LRRC8D: variants seen among roughly 807,000 people sequenced by gnomAD.
LRRC8D encodes leucine rich repeat containing 8 VRAC subunit D.
LRRC8D carries 20 observed loss-of-function variants against 55.8 expected under a neutral mutation model. That is an observed-to-expected ratio of 0.36 (90% CI 0.25 to 0.52). The LOEUF (loss-of-function observed/expected upper bound fraction) is 0.52. LRRC8D is among the 20% of genes least tolerant of loss of function. The pLI, the probability that LRRC8D is intolerant of heterozygous loss-of-function variation, is 0.93. For missense variants in LRRC8D, 651 were observed against 1,030.8 expected (o/e 0.63, Z 5.05); for synonymous variants, 352 against 377.0 (o/e 0.93, Z 0.77).
Position 89,935,589 on chromosome 1 carries a change from G to T in LRRC8D, c.2521G>T (p.Glu841Ter). 1 of 1,614,120 alleles carries T rather than the reference G, an allele frequency of 6.2e-7. No individual in the cohort carries two copies. Among genetic ancestry groups the T allele is most frequent in the Non-Finnish European group, 8.5e-7 (1 of 1,180,038 alleles). Residue 841 changes from glutamate (E) to a stop codon, truncating the protein, a stop_gained, in exon 3 of 3, where the codon GAA becomes TAA. Coordinates refer to ENST00000337338, the MANE Select transcript of LRRC8D (RefSeq NM_001134479.2). LOFTEE classifies it high-confidence loss of function. ...EDHLFDTLPL[E>*]VKEALNQDIN... Reference sequence around the variant, plus strand: ...TCACCTTTTTGATACCCTGCCACTCGAAGTCAAAGAGGCATTGAATCAAGA... The same window carrying T: ...TCACCTTTTTGATACCCTGCCACTCTAAGTCAAAGAGGCATTGAATCAAGA...
intron 2 of LRRC8D, among the ~76,000 whole-genome samples, chr1:89,924,877 A>T (rs893482730): frequency 6.6e-5 from 10 of 152,172 alleles, no homozygotes; most frequent in Admixed American, 2.0e-4. Context: ...ATACACATGG[A>T]TACAAAGAAG....
At chr1:89,865,043 T>C (rs1661808289) in intron 2 of LRRC8D, among the ~76,000 whole-genome samples, 1 of 152,134 alleles carries the variant, frequency 6.6e-6, no homozygotes, top group Admixed American at 6.6e-5. Context: ...ACATTTTACA[T>C]CTCCAACATT....
intron 2 of LRRC8D, among the ~76,000 whole-genome samples, chr1:89,896,296 C>T (rs1662710563): frequency 6.6e-6 from 1 of 151,882 alleles, no homozygotes; most frequent in Non-Finnish European, 1.5e-5. Context: ...AGGGAGGGGT[C>T]GTAAACTTTG....
rs71584958 is a variant in LRRC8D at position 89,907,183 on chromosome 1, C to CTTTTTTTTTTTT, written c.-2-25869_-2-25858dup. ...TTGGGCTTCCTGTCTTCCACTGTGT[C>CTTTTTTTTTTTT]TTTTTTTTTTTTTTTTTTTTTTTTT... On this transcript the variant is annotated intron_variant, in intron 2 of 2. Coordinates refer to ENST00000337338, the MANE Select transcript of LRRC8D (RefSeq NM_001134479.2). 4.3e-5 allele frequency among the ~76,000 whole-genome samples: 3 copies of CTTTTTTTTTTTT among 69,774 alleles called. 1 individual carries two copies. Among genetic ancestry groups the CTTTTTTTTTTTT allele is most frequent in the Non-Finnish European group, 8.3e-5 (3 of 36,010 alleles). 45.8% of individuals were successfully genotyped at this position (69,774 alleles called of 152,430 possible). A position where few individuals can be genotyped will look rare whatever the true frequency, so the allele number is the denominator to read the frequency against.
At chr1:89,881,581 A>G (rs535374338) in intron 2 of LRRC8D, among the ~76,000 whole-genome samples, 1 of 152,274 alleles carries the variant, frequency 6.6e-6, no homozygotes, top group African/African-American at 2.4e-5. Flanking sequence ...TCAGATGAGT[A>G]AGATGGAGAA....
intron 2 of LRRC8D, among the ~76,000 whole-genome samples, chr1:89,890,527 G>T (rs147243799): frequency 2.0e-5 from 3 of 152,158 alleles, no homozygotes; most frequent in Non-Finnish European, 2.9e-5. Context: ...CAGCCTCTCC[G>T]TATCCCCTTT....
chr1:89,852,767 A>G (rs1329721663), intron 2 of LRRC8D, among the ~76,000 whole-genome samples: 1 of 152,178 alleles, frequency 6.6e-6, no homozygotes, highest in African/African-American at 2.4e-5. Flanking sequence ...AGATGGAGAA[A>G]GGACAGACTG....
intron 2 of LRRC8D, chr1:89,846,648 C>G (rs375823294): frequency 2.6e-5 from 4 of 152,086 alleles, no homozygotes; most frequent in African/African-American, 9.6e-5. Flanking sequence ...AGGCTCTGCC[C>G]AGAACTCAAG....
At chr1:89,917,431 C>T (rs1663303380) in intron 2 of LRRC8D, among the ~76,000 whole-genome samples, 1 of 152,136 alleles carries the variant, frequency 6.6e-6, no homozygotes, top group African/African-American at 2.4e-5. Context: ...CTTAAAACTG[C>T]CCTTAGTTTG....
chr1:89,926,025 T>C (rs1663555260), intron 2 of LRRC8D, among the ~76,000 whole-genome samples: 1 of 152,268 alleles, frequency 6.6e-6, no homozygotes, highest in African/African-American at 2.4e-5. Context: ...GCATCATTTA[T>C]CTCATGCTAT....
At chr1:89,854,731 C>T (rs1236383267) in intron 2 of LRRC8D, among the ~76,000 whole-genome samples, 1 of 152,160 alleles carries the variant, frequency 6.6e-6, no homozygotes, top group African/African-American at 2.4e-5. Context: ...CATCACTTAT[C>T]ATTTATGGGT....
intron 2 of LRRC8D, among the ~76,000 whole-genome samples, chr1:89,925,833 G>T (rs888150659): frequency 5.3e-5 from 8 of 152,178 alleles, no homozygotes; most frequent in African/African-American, 1.9e-4. Context: ...CAAGTCCTGT[G>T]GCTGACATTG....
At position 89,886,694 on chromosome 1, in the gene LRRC8D, C is replaced by T. The variant is rs549053181; in HGVS notation, c.-3+42912C>T. ...CTATTTAATAAAACGGAAATATGCACGTGAGGTTAATCAGGTCAAATAGAA... is the reference window on the plus strand; with the variant it reads ...CTATTTAATAAAACGGAAATATGCATGTGAGGTTAATCAGGTCAAATAGAA... On this transcript the variant is annotated intron_variant, in intron 2 of 2. Coordinates refer to ENST00000337338, the MANE Select transcript of LRRC8D (RefSeq NM_001134479.2). 6.6e-5 allele frequency among the ~76,000 whole-genome samples: 10 copies of T among 152,182 alleles called. No homozygotes were observed. In the South Asian group the frequency reaches 1.0e-3, roughly 16 times the overall value.
chr1:89,842,759 A>C (rs909104716), intron 1 of LRRC8D, among the ~76,000 whole-genome samples: 1 of 152,190 alleles, frequency 6.6e-6, no homozygotes, highest in Non-Finnish European at 1.5e-5. Context: ...ACTGAAGTCC[A>C]CTTAAGTCAG....
chr1:89,847,807 T>A (rs1570816935), intron 2 of LRRC8D, among the ~76,000 whole-genome samples: 1 of 152,346 alleles, frequency 6.6e-6, no homozygotes, highest in East Asian at 1.9e-4. Flanking sequence ...TAATTGCAGA[T>A]GTTTCATGAG....
intron 2 of LRRC8D, among the ~76,000 whole-genome samples, chr1:89,921,479 G>T (rs893041369): frequency 1.3e-5 from 2 of 152,084 alleles, no homozygotes; most frequent in Non-Finnish European, 2.9e-5. Flanking sequence ...TTTAATAGGG[G>T]TACTAAGACC....
At chr1:89,870,177 C>T (rs1376713384) in intron 2 of LRRC8D, among the ~76,000 whole-genome samples, 1 of 151,730 alleles carries the variant, frequency 6.6e-6, no homozygotes, top group Non-Finnish European at 1.5e-5. Flanking sequence ...TTTAGTTTTT[C>T]TAAAAAACTG....
rs1663141377 is a variant in LRRC8D at position 89,911,881 on chromosome 1, T to A, written c.-2-21186T>A. Among the ~76,000 whole-genome samples, 1 of 152,194 alleles carries A rather than the reference T, an allele frequency of 6.6e-6. No homozygotes were observed. Among genetic ancestry groups the A allele is most frequent in the Admixed American group, 6.5e-5 (1 of 15,272 alleles). On this transcript the variant is annotated intron_variant, in intron 2 of 2. Transcript: ENST00000337338. This position sits in a 1 kb window ranked among gnomAD's most constrained non-coding sequence, Gnocchi z 4.0. ...TTCTAGGCCAACATTCTCTTCATAG[T>A]TCTTGTCCTCTGACCCACCCTTCTT...
chr1:89,898,741 A>G (rs549781442), intron 2 of LRRC8D, among the ~76,000 whole-genome samples: 3 of 152,366 alleles, frequency 2.0e-5, no homozygotes, highest in Non-Finnish European at 1.5e-5. Flanking sequence ...TTTAATTTAC[A>G]TACTGTAATA....
Sources: allele counts gnomAD v4.1 joint callset (sites outside exome capture counted in the v4.1 genomes callset), GRCh38; gene constraint gnomAD v4.1.1; non-coding constraint Gnocchi (gnomAD v3.1); transcripts MANE v1.5; gene names NCBI Gene and HGNC (gene_info 2026-07-23, HGNC 2026-07-21).